STK32B: variants seen among roughly 807,000 people sequenced by gnomAD.
The protein encoded by STK32B is serine/threonine-protein kinase 32B.
Under a neutral mutation model 52.6 loss-of-function variants are expected in STK32B, and 43 were observed. The ratio of observed to expected loss-of-function variants is 0.82; its 90% CI spans 0.64 to 1.05. The LOEUF (loss-of-function observed/expected upper bound fraction) is 1.05, where lower values mean the gene tolerates loss of function less well. Ranked by LOEUF, STK32B falls within the 50% of genes least tolerant of loss-of-function variation. STK32B has a pLI of 0.00. For synonymous variants in STK32B, 238 were observed against 204.3 expected (o/e 1.17, Z -1.41); for missense variants, 621 against 534.6 (o/e 1.16, Z -1.59).
At chr4:5,172,999 T>A (rs572736150) in intron 3 of STK32B, among the ~76,000 whole-genome samples, 69 of 152,220 alleles carry the variant, frequency 4.5e-4, no homozygotes, top group Non-Finnish European at 7.8e-4. Flanking sequence ...CTGTTATTGG[T>A]CTATTCAGAG....
chr4:5,424,923 T>G (rs4689219), intron 6 of STK32B, among the ~76,000 whole-genome samples: 23,277 of 152,222 alleles, frequency 0.15, 2,438 homozygotes, highest in East Asian at 0.42. Flanking sequence ...GGGCTCTGCA[T>G]TTCCTGGCAT....
At chr4:5,158,592 G>A (rs368474995) in intron 2 of STK32B, among the ~76,000 whole-genome samples, 1 of 152,102 alleles carries the variant, frequency 6.6e-6, no homozygotes, top group South Asian at 2.1e-4. Context: ...TAGTCTGCTC[G>A]AGCTGCCACA....
intron 2 of STK32B, among the ~76,000 whole-genome samples, chr4:5,142,085 G>A (rs1379166649): frequency 6.6e-6 from 1 of 152,226 alleles, no homozygotes; most frequent in African/African-American, 2.4e-5. Flanking sequence ...GAGAAGGGCA[G>A]GAGGATAGTT....
chr4:5,184,399 G>T (rs1335173717), intron 3 of STK32B, among the ~76,000 whole-genome samples: 4 of 152,080 alleles, frequency 2.6e-5, no homozygotes, highest in African/African-American at 9.7e-5. Flanking sequence ...AGCTCATGAT[G>T]CCCCAAAACA....
intron 4 of STK32B, among the ~76,000 whole-genome samples, chr4:5,372,873 T>G (rs963982040): frequency 1.2e-4 from 19 of 152,178 alleles, no homozygotes; most frequent in African/African-American, 4.6e-4. Flanking sequence ...CCAATAAAGT[T>G]TATGATTGGG....
chr4:5,051,757 A>C lies in STK32B; in HGVS notation c.-107A>C. 1.3e-6 allele frequency: 2 copies of C among 1,494,984 alleles called. No homozygotes were observed. The highest frequency in any genetic ancestry group is 1.8e-6 in the Non-Finnish European group (2 of 1,108,878). The allele number at this position is 1,494,984 out of a possible 1,614,324, so 92.6% of individuals were successfully genotyped here. ...CCCTCGGGCTCCGCGCGCGGCTACAACCCGGACTGGGCGCGCCCCCGGCAT... is the reference window on the plus strand; with the variant it reads ...CCCTCGGGCTCCGCGCGCGGCTACACCCCGGACTGGGCGCGCCCCCGGCAT... On this transcript the variant is annotated 5_prime_UTR_variant, in exon 1 of 12. Coordinates refer to ENST00000282908, the MANE Select transcript of STK32B (RefSeq NM_018401.3).
chr4:5,360,501 C>T (rs370707933), intron 4 of STK32B, among the ~76,000 whole-genome samples: 14 of 152,110 alleles, frequency 9.2e-5, no homozygotes, highest in South Asian at 4.2e-4. Flanking sequence ...ACCGTGTGTG[C>T]GCTCTACTGT....
In STK32B at chr4:5,394,085, G is replaced by T. The variant is rs1277558651; in HGVS notation, c.435-4122G>T. Among the ~76,000 whole-genome samples the T allele has an allele frequency of 6.6e-6, 1 of 152,184 alleles. No individual in the cohort carries two copies. Among genetic ancestry groups the T allele is most frequent in the Admixed American group, 6.5e-5 (1 of 15,280 alleles). ...AAAAGACACATGCAGAAACATCCTG[G>T]TGGCCCTGCTTTGCAGTCTGTGCAT... On this transcript the variant is annotated intron_variant, in intron 4 of 11. Coordinates refer to ENST00000282908, the MANE Select transcript of STK32B (RefSeq NM_018401.3). This position sits in a 1 kb window ranked among gnomAD's most constrained non-coding sequence, Gnocchi z 4.2.
At chr4:5,261,088 G>A (rs1480311790) in intron 3 of STK32B, among the ~76,000 whole-genome samples, 2 of 152,122 alleles carry the variant, frequency 1.3e-5, no homozygotes, top group Non-Finnish European at 2.9e-5. Context: ...GATAGCTGAA[G>A]GCTGTCTCCT....
chr4:5,189,484 A>G (rs934545439), intron 3 of STK32B, among the ~76,000 whole-genome samples: 3 of 152,184 alleles, frequency 2.0e-5, no homozygotes, highest in African/African-American at 7.2e-5. Flanking sequence ...ATGGCTTGAT[A>G]GCTCATTTCT....
intron 3 of STK32B, among the ~76,000 whole-genome samples, chr4:5,233,473 G>C (rs1474425295): frequency 6.6e-6 from 1 of 152,068 alleles, no homozygotes; most frequent in Non-Finnish European, 1.5e-5. Context: ...AGTGCTTAAA[G>C]GACTGGCAGT....
intron 6 of STK32B, among the ~76,000 whole-genome samples, chr4:5,444,260 G>C (rs188856503): frequency 1.0e-3 from 152 of 152,364 alleles, no homozygotes; most frequent in African/African-American, 3.3e-3. Context: ...GAGACTCCGT[G>C]GGTGTAGGAC....
At chr4:5,062,612 C>A (rs1465880392) in intron 1 of STK32B, among the ~76,000 whole-genome samples, 4 of 152,090 alleles carry the variant, frequency 2.6e-5, no homozygotes, top group African/African-American at 9.7e-5. Flanking sequence ...AGGTTCACGC[C>A]ATTCTCCTGC....
At chr4:5,062,251 C>T (rs537692641) in intron 1 of STK32B, among the ~76,000 whole-genome samples, 1 of 152,156 alleles carries the variant, frequency 6.6e-6, no homozygotes. Flanking sequence ...ACATATTCCT[C>T]AAATCACTAC....
At chr4:5,185,363 T>C (rs1720667062) in intron 3 of STK32B, among the ~76,000 whole-genome samples, 1 of 152,206 alleles carries the variant, frequency 6.6e-6, no homozygotes, top group Non-Finnish European at 1.5e-5. Flanking sequence ...TCTAGAATCA[T>C]TTTTGAGTTG....
intron 3 of STK32B, among the ~76,000 whole-genome samples, chr4:5,265,449 TTGCC>T (rs2108849980): frequency 6.6e-6 from 1 of 152,320 alleles, no homozygotes; most frequent in Admixed American, 6.5e-5. Flanking sequence ...CCCCGAAGCT[TTGCC>T]TGACCACTGC....
chr4:5,404,530 A>G (rs1737524427), intron 5 of STK32B, among the ~76,000 whole-genome samples: 1 of 152,114 alleles, frequency 6.6e-6, no homozygotes, highest in Non-Finnish European at 1.5e-5. Flanking sequence ...ATCGACCACT[A>G]CTGAAAATCC....
intron 4 of STK32B, among the ~76,000 whole-genome samples, chr4:5,365,967 T>C (rs1462206870): frequency 6.6e-6 from 1 of 151,938 alleles, no homozygotes; most frequent in Non-Finnish European, 1.5e-5. Context: ...CAGATGTGCC[T>C]GAAGAGTTGA....
intron 3 of STK32B, among the ~76,000 whole-genome samples, chr4:5,190,024 T>A (rs1038755480): frequency 2.6e-5 from 4 of 152,190 alleles, no homozygotes; most frequent in African/African-American, 9.7e-5. Context: ...ACAAATCATA[T>A]GTGGAGAGCG....
Sources: allele counts gnomAD v4.1 joint callset (sites outside exome capture counted in the v4.1 genomes callset), GRCh38; gene constraint gnomAD v4.1.1; non-coding constraint Gnocchi (gnomAD v3.1); transcripts MANE v1.5; gene names NCBI Gene and HGNC (gene_info 2026-07-23, HGNC 2026-07-21).